Variants in PAN3 observed in about 807,000 individuals in gnomAD.
PAN3 encodes PAN2-PAN3 deadenylation complex subunit PAN3.
PAN3 carries 19 observed loss-of-function variants against 96.2 expected under a neutral mutation model. The ratio of observed to expected loss-of-function variants is 0.20; its 90% CI spans 0.14 to 0.29. The LOEUF (loss-of-function observed/expected upper bound fraction) is 0.29, where lower values mean the gene tolerates loss of function less well. Ranked by LOEUF, PAN3 falls within the 10% of genes least tolerant of loss-of-function variation. PAN3 has a pLI of 1.00. For synonymous variants in PAN3, 433 were observed against 406.6 expected, an observed-to-expected ratio of 1.06 and a Z score of -0.78; for missense variants, 882 against 1,108.1, an observed-to-expected ratio of 0.80 and a Z score of 2.90.
chr13:28,168,355 C>T (rs1185527479), intron 1 of PAN3, among the ~76,000 whole-genome samples: 1 of 152,062 alleles, frequency 6.6e-6, no homozygotes, highest in Non-Finnish European at 1.5e-5. Context: ...GATTCTGGAG[C>T]GTTTTTGGTT....
rs1178592350 is a variant in PAN3 at position 28,256,493 on chromosome 13, C to T, written c.1202C>T (p.Thr401Met). The T allele has an allele frequency of 1.9e-6, 3 of 1,614,028 alleles. No individual in the cohort carries two copies. The highest frequency in any genetic ancestry group is 1.3e-5 in the African/African-American group (1 of 75,050). The change falls in exon 7 of 19, where the codon ACG becomes ATG. Residue 401 changes from threonine to methionine, a missense_variant. Physicochemically the swap from Thr to Met is moderately conservative, Grantham distance 81 (BLOSUM62 -1). Coordinates refer to ENST00000380958, the MANE Select transcript of PAN3 (RefSeq NM_175854.8). ...ATCCAAAAGGAAACTGTTGGTGGGA[C>T]GACTTACTTCTATACAGACACAACT... The part of the protein sequence containing the change: ...QVIQKETVGG[T>M]TYFYTDTTPA...
Position 28,277,386 on chromosome 13 carries a change from A to T in PAN3, c.2189+10A>T. 6.2e-7 allele frequency: 1 copy of T among 1,604,782 alleles called. No individual in the cohort carries two copies. Among genetic ancestry groups the T allele is most frequent in the Non-Finnish European group, 8.5e-7 (1 of 1,175,168 alleles). ...TGAAGAATCTGATTTTGTAAGTTTT[A>T]ATATATGATAAATTGTACAGAATGA... On this transcript the variant is annotated intron_variant, in intron 15 of 18. Coordinates refer to ENST00000380958, the MANE Select transcript of PAN3 (RefSeq NM_175854.8).
intron 6 of PAN3, among the ~76,000 whole-genome samples, chr13:28,250,618 C>T (rs1830791): frequency 0.71 from 108,396 of 152,026 alleles, 41,293 homozygotes; most frequent in Non-Finnish European, 0.85. Context: ...CCACCCGCCT[C>T]GGCCTCCCAA....
At chr13:28,158,879 GAA>G (rs373914232) in intron 1 of PAN3, among the ~76,000 whole-genome samples, 4 of 105,106 alleles carry the variant, frequency 3.8e-5, no homozygotes, top group African/African-American at 3.6e-5. Flanking sequence ...CTCCATCTCA[GAA>G]AAAAAAAAAA....
intron 6 of PAN3, among the ~76,000 whole-genome samples, chr13:28,229,932 G>C (rs1335143427): frequency 2.0e-5 from 3 of 152,118 alleles, no homozygotes; most frequent in Non-Finnish European, 4.4e-5. Flanking sequence ...ACTTCATTTT[G>C]AGAATGACTG....
At chr13:28,229,442 ACT>A (rs1364366120) in intron 6 of PAN3, among the ~76,000 whole-genome samples, 1 of 152,076 alleles carries the variant, frequency 6.6e-6, no homozygotes, top group Non-Finnish European at 1.5e-5. Context: ...TTTATTGATG[ACT>A]CTTGTTCAAC....
At chr13:28,152,512 A>G (rs1300247945) in intron 1 of PAN3, among the ~76,000 whole-genome samples, 2 of 152,062 alleles carry the variant, frequency 1.3e-5, no homozygotes, top group Non-Finnish European at 2.9e-5. Flanking sequence ...TGAACCCAGG[A>G]GGCGGAGGTT....
At chr13:28,223,589 G>A (rs1881640822) in intron 6 of PAN3, among the ~76,000 whole-genome samples, 1 of 151,518 alleles carries the variant, frequency 6.6e-6, no homozygotes, top group African/African-American at 2.4e-5. Context: ...TTGAGACGGA[G>A]TTTTGCTCTT....
chr13:28,240,280 G>A (rs2138496667), intron 6 of PAN3, among the ~76,000 whole-genome samples: 1 of 152,048 alleles, frequency 6.6e-6, no homozygotes, highest in African/African-American at 2.4e-5. Flanking sequence ...GAAACATGAG[G>A]GATTTAAGCT....
At chr13:28,140,085 C>CT (rs960136164) in intron 1 of PAN3, among the ~76,000 whole-genome samples, 2 of 152,056 alleles carry the variant, frequency 1.3e-5, no homozygotes, top group African/African-American at 4.8e-5. Flanking sequence ...GTAGCTGGGA[C>CT]TACAGGCGCG....
At chr13:28,157,342 A>C (rs1020484728) in intron 1 of PAN3, among the ~76,000 whole-genome samples, 25 of 152,152 alleles carry the variant, frequency 1.6e-4, no homozygotes, top group Non-Finnish European at 2.6e-4. Context: ...TATTCGACAT[A>C]GTACTAGAAG....
At chr13:28,215,241 G>A in intron 5 of PAN3, 1 of 712,618 alleles carries the variant, frequency 1.4e-6, no homozygotes, top group Non-Finnish European at 2.6e-6. Flanking sequence ...TTGTCCAACT[G>A]ACAAGTCCTT....
chr13:28,184,464 G>A (rs1298933027), intron 4 of PAN3, among the ~76,000 whole-genome samples: 1 of 152,006 alleles, frequency 6.6e-6, no homozygotes, highest in Non-Finnish European at 1.5e-5. Context: ...GTGAAAAATA[G>A]GCCACTGGTA....
chr13:28,169,526 C>T (rs560962260), intron 1 of PAN3, among the ~76,000 whole-genome samples: 18 of 151,604 alleles, frequency 1.2e-4, no homozygotes, highest in Admixed American at 3.9e-4. Flanking sequence ...CCACCGCGCC[C>T]GGCTGTATTT....
intron 14 of PAN3, among the ~76,000 whole-genome samples, chr13:28,274,592 C>A (rs1280377289): frequency 6.6e-6 from 1 of 151,590 alleles, no homozygotes; most frequent in Non-Finnish European, 1.5e-5. Flanking sequence ...AAAAACAAAA[C>A]TTTTCATAAG....
At chr13:28,281,560 G>A (rs980326898) in intron 17 of PAN3, among the ~76,000 whole-genome samples, 181 bp downstream of exon 17, 4 of 152,082 alleles carry the variant, frequency 2.6e-5, no homozygotes, top group Non-Finnish European at 5.9e-5. Context: ...CTGTCCTTAC[G>A]AATTTTACAC....
At chr13:28,195,612 T>G (rs907037146) in intron 4 of PAN3, among the ~76,000 whole-genome samples, 22 of 152,128 alleles carry the variant, frequency 1.4e-4, no homozygotes, top group African/African-American at 5.3e-4. Flanking sequence ...CTCGGCTCAC[T>G]GCAGTCTTTG....
intron 6 of PAN3, among the ~76,000 whole-genome samples, chr13:28,237,631 A>T (rs184237662): frequency 6.6e-6 from 1 of 152,362 alleles, no homozygotes; most frequent in Non-Finnish European, 1.5e-5. Flanking sequence ...TTCAGTGAGA[A>T]TAACAAGGCT....
chr13:28,217,082 C>T (rs1363579042), intron 5 of PAN3, among the ~76,000 whole-genome samples: 1 of 151,224 alleles, frequency 6.6e-6, no homozygotes, highest in Admixed American at 6.6e-5. Flanking sequence ...CCACTGTACT[C>T]CAGCCTGGGT....
Sources: allele counts gnomAD v4.1 joint callset (sites outside exome capture counted in the v4.1 genomes callset), GRCh38; gene constraint gnomAD v4.1.1; transcripts MANE v1.5; gene names NCBI Gene and HGNC (gene_info 2026-07-23, HGNC 2026-07-21).